Variants in HEMK2 observed in about 807,000 individuals in gnomAD.
HEMK2 encodes HemK methyltransferase 2, ETF1 glutamine and histone H4 lysine.
chr21:28,665,759 T>C, the HEMK2 span, among the ~76,000 whole-genome samples: 6 of 151,718 alleles, frequency 4.0e-5, no homozygotes, highest in Non-Finnish European at 5.9e-5. Flanking sequence ...GGACTATAAA[T>C]CATGTTGCTA....
chr21:28,695,468 T>TGAATG, the HEMK2 span, among the ~76,000 whole-genome samples: 1 of 152,158 alleles, frequency 6.6e-6, no homozygotes, highest in Admixed American at 6.5e-5. Context: ...TAGGGAGGCC[T>TGAATG]CACAATCATG....
chr21:28,626,025 T>A, the HEMK2 span, among the ~76,000 whole-genome samples: 25 of 152,092 alleles, frequency 1.6e-4, no homozygotes, highest in African/African-American at 6.0e-4. Flanking sequence ...TGATATCAAA[T>A]AGAAACTGAA....
chr21:28,636,889 C>T, the HEMK2 span, among the ~76,000 whole-genome samples: 1 of 152,172 alleles, frequency 6.6e-6, no homozygotes, highest in Non-Finnish European at 1.5e-5. Flanking sequence ...TTCAAAACTG[C>T]ATTTCCAAAA....
chr21:28,668,518 C>T, the HEMK2 span, among the ~76,000 whole-genome samples: 4,238 of 152,260 alleles, frequency 0.028, 73 homozygotes, highest in African/African-American at 0.039. Context: ...ACGACATAAA[C>T]AAATTGAAAA....
chr21:28,779,987 A>G, the HEMK2 span, among the ~76,000 whole-genome samples: 1 of 152,068 alleles, frequency 6.6e-6, no homozygotes, highest in Non-Finnish European at 1.5e-5. Flanking sequence ...CTGCCAACCC[A>G]TCATCTGTGT....
At chr21:28,658,378 G>C in the HEMK2 span, among the ~76,000 whole-genome samples, 58 of 152,144 alleles carry the variant, frequency 3.8e-4, no homozygotes, top group African/African-American at 1.3e-3. Flanking sequence ...AAAATGCATA[G>C]AACAGAATTC....
At chr21:28,877,256 G>GA in the HEMK2 span, among the ~76,000 whole-genome samples, 2 of 100,234 alleles carry the variant, frequency 2.0e-5, no homozygotes, top group Admixed American at 1.0e-4. Context: ...GAAGGGAAGA[G>GA]AAGGGAAGGA....
chr21:28,726,951 T>C, the HEMK2 span, among the ~76,000 whole-genome samples: 1 of 151,900 alleles, frequency 6.6e-6, no homozygotes, highest in Non-Finnish European at 1.5e-5. Flanking sequence ...AAAATCATTG[T>C]AAAAGAATGT....
chr21:28,738,837 C>T, the HEMK2 span, among the ~76,000 whole-genome samples: 4 of 152,242 alleles, frequency 2.6e-5, no homozygotes, highest in Non-Finnish European at 4.4e-5. Flanking sequence ...AACTTCAGCA[C>T]ATGCACTTCT....
chr21:28,868,789 T>C, the HEMK2 span, among the ~76,000 whole-genome samples: 11 of 152,336 alleles, frequency 7.2e-5, no homozygotes, highest in South Asian at 1.2e-3. Context: ...TTAAAATACA[T>C]TTTCCTGCTT....
the HEMK2 span, among the ~76,000 whole-genome samples, chr21:28,667,453 T>C: frequency 6.6e-6 from 1 of 152,166 alleles, no homozygotes; most frequent in Non-Finnish European, 1.5e-5. Context: ...CAGCAGATTG[T>C]CCTTCACTCT....
chr21:28,727,386 CTTTGG>C, the HEMK2 span, among the ~76,000 whole-genome samples: 1 of 152,246 alleles, frequency 6.6e-6, no homozygotes, highest in African/African-American at 2.4e-5. Flanking sequence ...AGAATCAACT[CTTTGG>C]TTTGGTTACA....
the HEMK2 span, among the ~76,000 whole-genome samples, chr21:28,792,808 C>G: frequency 2.6e-5 from 4 of 152,056 alleles, no homozygotes; most frequent in Non-Finnish European, 4.4e-5. Context: ...CTATGCCTTC[C>G]TAGGGTTCTC....
the HEMK2 span, among the ~76,000 whole-genome samples, chr21:28,730,007 G>A: frequency 7.9e-5 from 12 of 152,118 alleles, no homozygotes; most frequent in African/African-American, 2.2e-4. Flanking sequence ...GACTGAACAC[G>A]AGATTAGCCA....
the HEMK2 span, among the ~76,000 whole-genome samples, chr21:28,711,023 G>A: frequency 6.6e-6 from 1 of 151,884 alleles, no homozygotes; most frequent in African/African-American, 2.4e-5. Flanking sequence ...CCAGAGCCTT[G>A]TTATTTTTTA....
the HEMK2 span, among the ~76,000 whole-genome samples, chr21:28,584,906 A>C: frequency 6.6e-6 from 1 of 152,204 alleles, no homozygotes. Flanking sequence ...TATGTACCAA[A>C]GAAAAAGCCA....
chr21:28,810,064 C>T, the HEMK2 span, among the ~76,000 whole-genome samples: 2 of 152,114 alleles, frequency 1.3e-5, no homozygotes, highest in East Asian at 1.9e-4. Context: ...ATGGAGTATC[C>T]GTAGATTCCC....
chr21:28,626,165 T>C, the HEMK2 span, among the ~76,000 whole-genome samples: 1 of 152,116 alleles, frequency 6.6e-6, no homozygotes, highest in Non-Finnish European at 1.5e-5. Context: ...GGACTTTTTA[T>C]GTTATATGTA....
At chr21:28,820,679 T>C in the HEMK2 span, among the ~76,000 whole-genome samples, 3 of 152,242 alleles carry the variant, frequency 2.0e-5, no homozygotes, top group African/African-American at 4.8e-5. Context: ...TTTCTTTTAT[T>C]AATCTAAATT....
Sources: gnomAD v4.1 joint callset for allele counts (sites outside exome capture counted in the v4.1 genomes callset) on GRCh38, gnomAD v4.1.1 for gene constraint, MANE v1.5 for transcripts, NCBI Gene and HGNC (gene_info 2026-07-23, HGNC 2026-07-21) for gene names.